The following VPS54 variants were observed in gnomAD, a reference collection of about 807,000 sequenced individuals.
VPS54 encodes vacuolar protein sorting-associated protein 54.
In VPS54, 45 loss-of-function variants were observed where a neutral mutation model predicts 121.5. The ratio of observed to expected loss-of-function variants is 0.37; its 90% CI spans 0.29 to 0.47. VPS54 has a LOEUF of 0.47. Among genes scored for constraint, VPS54 ranks in the 20% least tolerant of loss-of-function variants. The pLI is 0.99. For synonymous variants in VPS54, 371 were observed against 385.8 expected (o/e 0.96, Z 0.45); for missense variants, 1,090 against 1,131.4 (o/e 0.96, Z 0.52).
chr2:63,997,777 A>G (rs1421056728), intron 1 of VPS54, among the ~76,000 whole-genome samples: 1 of 151,694 alleles, frequency 6.6e-6, no homozygotes. Context: ...TTTCTTTAAA[A>G]TCCATCATTA....
chr2:63,962,518 T>G, intron 6 of VPS54, 75 bp from the exon 7 acceptor site: 1 of 1,456,612 alleles, frequency 6.9e-7, no homozygotes, highest in Non-Finnish European at 9.1e-7. Flanking sequence ...TTTATGACAA[T>G]GATAAAAGAT....
intron 22 of VPS54, among the ~76,000 whole-genome samples, chr2:63,894,171 A>G (rs1265602430): frequency 2.0e-5 from 3 of 152,222 alleles, no homozygotes; most frequent in Non-Finnish European, 4.4e-5. Flanking sequence ...GCAAATGTTG[A>G]AAAGATGTGG....
intron 20 of VPS54, among the ~76,000 whole-genome samples, chr2:63,901,335 G>C (rs1285348691): frequency 2.0e-5 from 3 of 152,180 alleles, no homozygotes; most frequent in African/African-American, 7.2e-5. Context: ...AGCATAAAAA[G>C]AAGAGGTAAC....
chr2:63,980,411 T>G (rs1676754073), intron 3 of VPS54, among the ~76,000 whole-genome samples: 1 of 152,166 alleles, frequency 6.6e-6, no homozygotes, highest in African/African-American at 2.4e-5. Flanking sequence ...TTAATTGGGA[T>G]GCTTAAACCA....
At chr2:63,961,172 T>C (rs1437841239) in intron 7 of VPS54, among the ~76,000 whole-genome samples, 1 of 152,226 alleles carries the variant, frequency 6.6e-6, no homozygotes, top group Non-Finnish European at 1.5e-5. Flanking sequence ...CCAGTATTCA[T>C]TCTGTCTGGT....
At chr2:63,917,009 A>G in intron 15 of VPS54, 46 bp from the exon 16 acceptor site, 1 of 1,592,122 alleles carries the variant, frequency 6.3e-7, no homozygotes, top group East Asian at 2.2e-5. Context: ...ACCAGACGAA[A>G]CAAAATAGAG....
At chr2:63,912,304 A>T in intron 20 of VPS54, 41 bp downstream of exon 20, 1 of 1,486,164 alleles carries the variant, frequency 6.7e-7, no homozygotes, top group Non-Finnish European at 9.2e-7. Flanking sequence ...GAAAATCATA[A>T]TGTCTTTGAA....
intron 1 of VPS54, among the ~76,000 whole-genome samples, chr2:63,988,655 C>T (rs1677167877): frequency 6.6e-6 from 1 of 152,142 alleles, no homozygotes; most frequent in African/African-American, 2.4e-5. Flanking sequence ...TTATGATTTC[C>T]TATGCCTGTC....
chr2:63,897,535 G>T lies in VPS54; in HGVS notation c.2789C>A (p.Ser930Tyr). ...SYKLHLKKQL[S>Y]HLNVINDGGP... is the part of the protein sequence containing the mutation. Reference sequence around the variant, plus strand: ...TCCATCATTTATCACATTTAAGTGAGATAACTGCTTTTTCAAGTGGAGTTT... The same window carrying T: ...TCCATCATTTATCACATTTAAGTGATATAACTGCTTTTTCAAGTGGAGTTT... Residue 930 changes from serine to tyrosine, a missense_variant, in exon 22 of 23, where the codon TCT becomes TAT. Transcript: ENST00000272322. 6.2e-7 allele frequency: 1 copy of T among 1,600,588 alleles called. No individual in the cohort carries two copies. The highest frequency in any genetic ancestry group is 1.1e-5 in the South Asian group (1 of 87,260).
intron 1 of VPS54, among the ~76,000 whole-genome samples, chr2:64,014,219 G>A (rs189651707): frequency 1.3e-5 from 2 of 152,272 alleles, no homozygotes; most frequent in African/African-American, 4.8e-5. Context: ...TACACAGGAA[G>A]GCAGGCATAG....
rs1674330443 is a variant in VPS54, at chr2:63,933,853, T to G, written c.1559A>C (p.Asp520Ala). The change falls in exon 12 of 23, where the codon GAT becomes GCT. Residue 520 changes from aspartate (D) to alanine (A), a missense_variant. Asp to Ala is a moderately radical substitution (Grantham distance 126). Transcript: ENST00000272322. ...TGTTAGCTCACCCTCACCGAATGCA[T>G]CACTTATAAACATGCCTTCATGGAT... ...YLIHEGMFIS[D>A]AFGEGELTPI... 5 of 1,613,770 alleles carry G rather than the reference T, an allele frequency of 3.1e-6. No individual in the cohort carries two copies. The East Asian group carries it at 8.9e-5, about 29-fold the overall frequency.
intron 7 of VPS54, among the ~76,000 whole-genome samples, chr2:63,952,318 A>T (rs1280170476): frequency 6.6e-6 from 1 of 152,204 alleles, no homozygotes; most frequent in Non-Finnish European, 1.5e-5. Flanking sequence ...TTCAAAACTT[A>T]AGTGAAAGAG....
intron 1 of VPS54, among the ~76,000 whole-genome samples, chr2:64,002,248 G>A (rs745407371): frequency 2.0e-5 from 3 of 152,234 alleles, no homozygotes; most frequent in Non-Finnish European, 2.9e-5. Flanking sequence ...ATTCAAGACT[G>A]TCTTTCCTAT....
At chr2:63,917,026 C>G in intron 15 of VPS54, 63 bp from the exon 16 acceptor site, 1 of 1,558,410 alleles carries the variant, frequency 6.4e-7, no homozygotes. Flanking sequence ...AGAGAAAAAG[C>G]TGAAGAAGAT....
chr2:63,948,948 T>A, intron 8 of VPS54, 89 bp downstream of exon 8: 7 of 1,501,902 alleles, frequency 4.7e-6, no homozygotes, highest in Non-Finnish European at 6.2e-6. Context: ...TTTAAGATAA[T>A]TTTGATTCCT....
At chr2:63,999,661 T>C (rs2080649) in intron 1 of VPS54, among the ~76,000 whole-genome samples, 117,897 of 152,094 alleles carry the variant, frequency 0.78, 47,134 homozygotes, top group African/African-American at 0.89. Context: ...CTGTTATTAT[T>C]CCTTCGAATA....
chr2:64,006,040 C>G (rs1252033618), intron 1 of VPS54, among the ~76,000 whole-genome samples: 1 of 152,180 alleles, frequency 6.6e-6, no homozygotes, highest in African/African-American at 2.4e-5. Flanking sequence ...AGGTGGGAAA[C>G]TACTCTAGAC....
At chr2:63,912,233 T>C in intron 20 of VPS54, 112 bp downstream of exon 20, 11 of 1,057,844 alleles carry the variant, frequency 1.0e-5, no homozygotes, top group Non-Finnish European at 1.5e-5. Flanking sequence ...TTGGTAAATA[T>C]CCTATGAAAG....
chr2:63,917,694 ATG>A (rs1290857934), intron 15 of VPS54, among the ~76,000 whole-genome samples: 2 of 152,008 alleles, frequency 1.3e-5, no homozygotes, highest in African/African-American at 4.8e-5. Flanking sequence ...TTTACTATGT[ATG>A]TCAGAAGTAT....
Sources: allele counts gnomAD v4.1 joint callset (sites outside exome capture counted in the v4.1 genomes callset), GRCh38; gene constraint gnomAD v4.1.1; transcripts MANE v1.5; gene names NCBI Gene and HGNC (gene_info 2026-07-23, HGNC 2026-07-21).